Variants in CLRN1 observed in about 807,000 individuals in gnomAD.
CLRN1 encodes the protein clarin 1, also known as clarin-1.
A neutral mutation model predicts 18.7 loss-of-function variants in CLRN1; 15 were observed. The observed-to-expected ratio is 0.80, with a 90% confidence interval of 0.54 to 1.23. The LOEUF is 1.23. Among genes scored for constraint, CLRN1 ranks in the 50% most tolerant of loss-of-function variants. The pLI, the probability that CLRN1 is intolerant of heterozygous loss-of-function variation, is 0.00. For synonymous variants in CLRN1, 104 were observed against 102.9 expected (o/e 1.01, Z -0.07); for missense variants, 311 against 277.5 (o/e 1.12, Z -0.86).
intron 1 of CLRN1, among the ~76,000 whole-genome samples, chr3:150,961,350 T>G (rs1246308219): frequency 6.6e-6 from 1 of 152,216 alleles, no homozygotes; most frequent in Non-Finnish European, 1.5e-5. Context: ...GAGATCCTGA[T>G]TCAATTGGTC....
intron 2 of CLRN1, among the ~76,000 whole-genome samples, chr3:150,929,426 C>A (rs1405524855): frequency 2.0e-5 from 3 of 152,208 alleles, no homozygotes; most frequent in Non-Finnish European, 4.4e-5. Context: ...CAGGCCACCA[C>A]AATAGGGTTC....
rs368826929 is a variant in CLRN1 at position 150,963,891 on chromosome 3, T to C, written c.253+8565A>G. Among the ~76,000 whole-genome samples the C allele has an allele frequency of 1.4e-4, 21 of 152,196 alleles. No individual in the cohort carries two copies. The East Asian group carries it at 1.9e-3, about 14-fold the overall frequency. ...AGAAAACTAAACTGGACCCCTTCCT[T>C]ATACCTTATACAAAAATTAACTCAA... is the stretch of plus-strand genomic sequence containing the variant. On this transcript the variant is annotated intron_variant, in intron 1 of 2. Transcript: ENST00000327047.
At chr3:150,928,392 G>T (rs1200657153) in intron 2 of CLRN1, among the ~76,000 whole-genome samples, 191 bp from the exon 3 acceptor site, 3 of 152,182 alleles carry the variant, frequency 2.0e-5, no homozygotes, top group African/African-American at 7.2e-5. Context: ...TTGGGTTATG[G>T]TTCTGCTCTG....
At chr3:150,966,146 C>CA (rs1317455281) in intron 1 of CLRN1, among the ~76,000 whole-genome samples, 1 of 152,122 alleles carries the variant, frequency 6.6e-6, no homozygotes, top group Admixed American at 6.5e-5. Flanking sequence ...CCCATCTCTA[C>CA]AAAAAAATTT....
intron 2 of CLRN1, among the ~76,000 whole-genome samples, chr3:150,930,889 G>T (rs1039468212): frequency 6.6e-6 from 1 of 152,194 alleles, no homozygotes; most frequent in Non-Finnish European, 1.5e-5. Context: ...GTTACTTGGG[G>T]TGTCATAAGA....
chr3:150,965,373 T>C (rs1715215257), intron 1 of CLRN1, among the ~76,000 whole-genome samples: 1 of 152,208 alleles, frequency 6.6e-6, no homozygotes, highest in Non-Finnish European at 1.5e-5. Context: ...GCTGAAATAA[T>C]ATTCATTATT....
intron 1 of CLRN1, among the ~76,000 whole-genome samples, chr3:150,955,658 TA>T (rs1714701541): frequency 6.6e-6 from 1 of 152,188 alleles, no homozygotes; most frequent in South Asian, 2.1e-4. Context: ...GACTCCTGTT[TA>T]ATAGCAGATG....
At chr3:150,956,578 C>G (rs1024442400) in intron 1 of CLRN1, among the ~76,000 whole-genome samples, 3 of 152,120 alleles carry the variant, frequency 2.0e-5, no homozygotes, top group East Asian at 1.9e-4. Flanking sequence ...CCTCATTACT[C>G]GAGTCTGCTA....
At chr3:150,967,631 C>T (rs958521580) in intron 1 of CLRN1, among the ~76,000 whole-genome samples, 4 of 152,174 alleles carry the variant, frequency 2.6e-5, no homozygotes, top group African/African-American at 9.7e-5. Flanking sequence ...GGGGGAAACA[C>T]AGGATATCAG....
At chr3:150,933,209 G>C (rs2107935770) in intron 2 of CLRN1, among the ~76,000 whole-genome samples, 1 of 152,180 alleles carries the variant, frequency 6.6e-6, no homozygotes, top group African/African-American at 2.4e-5. Flanking sequence ...TGGGAACTGG[G>C]GGTACAGCAC....
At chr3:150,950,555 C>T (rs1472223893) in intron 1 of CLRN1, among the ~76,000 whole-genome samples, 1 of 152,186 alleles carries the variant, frequency 6.6e-6, no homozygotes, top group Non-Finnish European at 1.5e-5. Flanking sequence ...TGAAAAAAAG[C>T]TCAACATCAC....
rs192090463 is a variant in CLRN1, at chr3:150,928,800, A to G, written c.434-599T>C. 2.5e-3 allele frequency among the ~76,000 whole-genome samples: 383 copies of G among 152,274 alleles called. 1 individual carries two copies. The highest frequency in any genetic ancestry group is 8.6e-3 in the African/African-American group (358 of 41,542). On this transcript the variant is annotated intron_variant, in intron 2 of 2. Coordinates refer to ENST00000327047, the MANE Select transcript of CLRN1 (RefSeq NM_174878.3). ...TCTCCTTGTTTGTAACAGAATTCAG[A>G]TTTTTGGCTAGACATGTGAGTGTCT...
chr3:150,948,423 G>T (rs1175685095), intron 1 of CLRN1, among the ~76,000 whole-genome samples: 6 of 136,524 alleles, frequency 4.4e-5, no homozygotes, highest in Non-Finnish European at 9.2e-5. Flanking sequence ...GGCGGAGCTT[G>T]CAGTGAGCCG....
intron 1 of CLRN1, among the ~76,000 whole-genome samples, chr3:150,951,247 C>T (rs1164138597): frequency 1.3e-5 from 2 of 151,978 alleles, no homozygotes; most frequent in Non-Finnish European, 1.5e-5. Flanking sequence ...TACCCCCAAA[C>T]GTAAAAGTTT....
intron 1 of CLRN1, among the ~76,000 whole-genome samples, chr3:150,972,006 A>T (rs1334274537): frequency 1.3e-5 from 2 of 152,224 alleles, no homozygotes; most frequent in African/African-American, 4.8e-5. Flanking sequence ...CTTAGCAGGA[A>T]TAATGGGAGG....
At chr3:150,953,753 A>C (rs1002256292) in intron 1 of CLRN1, among the ~76,000 whole-genome samples, 5 of 152,148 alleles carry the variant, frequency 3.3e-5, no homozygotes, top group African/African-American at 1.2e-4. Flanking sequence ...CCTGTCCTCA[A>C]GTGATCTGCC....
intron 1 of CLRN1, among the ~76,000 whole-genome samples, chr3:150,944,959 T>A (rs1221874845): frequency 6.6e-6 from 1 of 152,150 alleles, no homozygotes; most frequent in Non-Finnish European, 1.5e-5. Context: ...ATAGGATTTA[T>A]GTTTCTGGAG....
At chr3:150,966,485 T>C (rs1370251193) in intron 1 of CLRN1, among the ~76,000 whole-genome samples, 1 of 152,214 alleles carries the variant, frequency 6.6e-6, no homozygotes, top group Non-Finnish European at 1.5e-5. Context: ...AAGCAGGATG[T>C]CAGCTTCTTC....
At chr3:150,936,097 C>A (rs139590211) in intron 2 of CLRN1, among the ~76,000 whole-genome samples, 2 of 151,944 alleles carry the variant, frequency 1.3e-5, no homozygotes, top group African/African-American at 4.8e-5. Context: ...TTGTGGGTTG[C>A]CTGTTCACTC....
Sources: gnomAD v4.1 joint callset for allele counts (sites outside exome capture counted in the v4.1 genomes callset) on GRCh38, gnomAD v4.1.1 for gene constraint, MANE v1.5 for transcripts, NCBI Gene and HGNC (gene_info 2026-07-23, HGNC 2026-07-21) for gene names.